The following CRPPA variants were observed in gnomAD, a reference collection of about 807,000 sequenced individuals.
CRPPA encodes the protein D-ribitol-5-phosphate cytidylyltransferase.
In CRPPA, 43 loss-of-function variants were observed where a neutral mutation model predicts 52.0. That is an observed-to-expected ratio of 0.83 (90% CI 0.65 to 1.07). The LOEUF is 1.07. Ranked by LOEUF, CRPPA falls within the 50% of genes least tolerant of loss-of-function variation. The pLI is 0.00. For missense variants in CRPPA, 629 were observed against 551.7 expected (o/e 1.14, Z -1.40); for synonymous variants, 250 against 203.5 (o/e 1.23, Z -1.94).
rs1311034902 is a variant in CRPPA at position 16,387,068 on chromosome 7, TATATATATATATATATATAC to T, written c.535-10847_535-10828del. Among the ~76,000 whole-genome samples the T allele has an allele frequency of 3.0e-3, 203 of 68,740 alleles. 7 individuals are homozygous for T. The highest frequency in any genetic ancestry group is 0.013 in the African/African-American group (168 of 13,028). The allele number at this position is 68,740 out of a possible 152,430, so 45.1% of individuals were successfully genotyped here. On this transcript the variant is annotated intron_variant, in intron 2 of 9. Transcript: ENST00000407010. ...AGATATATATATATATATATATATA[TATATATATATATATATATAC>T]ACACATATATATATGTATATACACA...
intron 8 of CRPPA, among the ~76,000 whole-genome samples, chr7:16,220,960 G>C (rs1191651055): frequency 6.6e-6 from 1 of 151,922 alleles, no homozygotes; most frequent in African/African-American, 2.4e-5. Flanking sequence ...AGTTCATATG[G>C]AACCAAAAAA....
chr7:16,225,524 C>G (rs558981960), intron 8 of CRPPA, among the ~76,000 whole-genome samples: 1 of 151,962 alleles, frequency 6.6e-6, no homozygotes, highest in Non-Finnish European at 1.5e-5. Flanking sequence ...TTTACTTTCT[C>G]CAAGAAAACT....
intron 3 of CRPPA, among the ~76,000 whole-genome samples, chr7:16,374,630 A>C (rs917221416): frequency 3.3e-5 from 5 of 152,134 alleles, no homozygotes; most frequent in Admixed American, 2.6e-4. Flanking sequence ...CACATCTACC[A>C]GTCTATCTGC....
chr7:16,273,654 C>G (rs758637065), intron 6 of CRPPA, among the ~76,000 whole-genome samples: 2 of 152,088 alleles, frequency 1.3e-5, no homozygotes, highest in East Asian at 3.9e-4. Flanking sequence ...TCCCGGACAC[C>G]GAACAAGAAC....
chr7:16,282,876 A>G (rs1332282765), intron 5 of CRPPA, among the ~76,000 whole-genome samples: 3 of 152,068 alleles, frequency 2.0e-5, no homozygotes, highest in Admixed American at 1.3e-4. Context: ...TATGGACGCA[A>G]TCAATATGTC....
intron 9 of CRPPA, among the ~76,000 whole-genome samples, chr7:16,100,203 T>C (rs1057483965): frequency 6.6e-6 from 1 of 152,174 alleles, no homozygotes; most frequent in Non-Finnish European, 1.5e-5. Flanking sequence ...AGAAAAATGG[T>C]TTCCCAGTAA....
intron 2 of CRPPA, among the ~76,000 whole-genome samples, chr7:16,380,783 T>A (rs1348998737): frequency 6.6e-6 from 1 of 152,172 alleles, no homozygotes; most frequent in Non-Finnish European, 1.5e-5. Context: ...TTCCTAGAGG[T>A]GTTTGAGGTA....
chr7:16,410,001 G>A (rs1326781559), intron 1 of CRPPA, among the ~76,000 whole-genome samples: 1 of 152,134 alleles, frequency 6.6e-6, no homozygotes. Context: ...ACACAGCATA[G>A]TCTCAAGGAC....
intron 9 of CRPPA, among the ~76,000 whole-genome samples, chr7:16,180,993 AT>A (rs1781402355): frequency 6.6e-6 from 1 of 151,986 alleles, no homozygotes; most frequent in Non-Finnish European, 1.5e-5. Flanking sequence ...CAGATGTGAT[AT>A]ACATGATTAG....
chr7:16,415,617 T>A (rs1032925360), intron 1 of CRPPA, among the ~76,000 whole-genome samples: 17 of 152,198 alleles, frequency 1.1e-4, no homozygotes, highest in African/African-American at 3.9e-4. Context: ...TCTTACTTCC[T>A]GAGAAGTAAG....
At chr7:16,229,430 C>A (rs1031443959) in intron 8 of CRPPA, among the ~76,000 whole-genome samples, 2 of 151,722 alleles carry the variant, frequency 1.3e-5, no homozygotes, top group African/African-American at 2.4e-5. Context: ...TTTTTATTTT[C>A]TGTGTATCTA....
At chr7:16,367,248 C>T in intron 3 of CRPPA, among the ~76,000 whole-genome samples, 1 of 152,114 alleles carries the variant, frequency 6.6e-6, no homozygotes, top group East Asian at 1.9e-4. Flanking sequence ...GCCCCCTATC[C>T]TAAAACTCAA....
At chr7:16,281,005 G>C (rs1285910748) in intron 5 of CRPPA, among the ~76,000 whole-genome samples, 1 of 152,134 alleles carries the variant, frequency 6.6e-6, no homozygotes, top group Non-Finnish European at 1.5e-5. Flanking sequence ...GAGTGACGGA[G>C]TGAGACTCTG....
At chr7:16,102,621 A>G (rs7798339) in intron 9 of CRPPA, among the ~76,000 whole-genome samples, 119,532 of 151,798 alleles carry the variant, frequency 0.79, 48,457 homozygotes, top group Admixed American at 0.88. Context: ...AAAAAAAACA[A>G]ACAACTGCAT....
intron 6 of CRPPA, among the ~76,000 whole-genome samples, chr7:16,275,004 A>C (rs1784171005): frequency 6.6e-6 from 1 of 152,154 alleles, no homozygotes; most frequent in South Asian, 2.1e-4. Context: ...TGAACCTGGG[A>C]GGCGTAGGTT....
intron 5 of CRPPA, among the ~76,000 whole-genome samples, chr7:16,299,005 G>A (rs143611853): frequency 1.0e-3 from 157 of 152,280 alleles, no homozygotes; most frequent in African/African-American, 3.7e-3. Context: ...GGCAGATCGT[G>A]GGACTTAGCC....
In CRPPA at chr7:16,374,188, G is replaced by A. The variant is rs141342552; in HGVS notation, c.684+1904C>T. Among the ~76,000 whole-genome samples, 5 of 152,228 alleles carry A rather than the reference G, an allele frequency of 3.3e-5. No homozygotes were observed. In the South Asian group the frequency reaches 8.3e-4, roughly 25 times the overall value. On this transcript the variant is annotated intron_variant, in intron 3 of 9. Transcript: ENST00000407010. ...TCAATGTGGGTGGGACAATTCAATT[G>A]GTTGCCAGCACAGCTAGAACGAAGC...
chr7:16,387,532 A>G (rs972255509), intron 2 of CRPPA, among the ~76,000 whole-genome samples: 1 of 149,718 alleles, frequency 6.7e-6, no homozygotes, highest in Non-Finnish European at 1.5e-5. Context: ...ATTAAAACGA[A>G]TGGATCAAAA....
intron 3 of CRPPA, among the ~76,000 whole-genome samples, chr7:16,344,872 A>C (rs1215354301): frequency 1.3e-5 from 2 of 152,146 alleles, no homozygotes; most frequent in Non-Finnish European, 2.9e-5. Flanking sequence ...ATAATGAAGC[A>C]TGCCAAAATA....
Sources: allele counts gnomAD v4.1 joint callset (sites outside exome capture counted in the v4.1 genomes callset), GRCh38; gene constraint gnomAD v4.1.1; transcripts MANE v1.5; gene names NCBI Gene and HGNC (gene_info 2026-07-23, HGNC 2026-07-21).